PTPRM: variants seen among roughly 807,000 people sequenced by gnomAD.
The protein encoded by PTPRM is protein tyrosine phosphatase receptor type M.
PTPRM carries 47 observed loss-of-function variants against 186.7 expected under a neutral mutation model. That is an observed-to-expected ratio of 0.25 (90% CI 0.20 to 0.32). The LOEUF is 0.32. PTPRM is among the 10% of genes least tolerant of loss of function. The pLI, the probability that PTPRM is intolerant of heterozygous loss-of-function variation, is 1.00. For missense variants in PTPRM, 1,494 were observed against 1,865.0 expected, an observed-to-expected ratio of 0.80 and a Z score of 3.66; for synonymous variants, 668 against 674.9, an observed-to-expected ratio of 0.99 and a Z score of 0.16.
At chr18:8,390,549 C>G (rs2095804357) in intron 31 of PTPRM, among the ~76,000 whole-genome samples, 1 of 152,168 alleles carries the variant, frequency 6.6e-6, no homozygotes, top group Non-Finnish European at 1.5e-5. Flanking sequence ...TGTCGAAGAA[C>G]TGCTGTACTG....
intron 32 of PTPRM, chr18:8,403,555 A>G (rs2095884009): frequency 6.6e-6 from 1 of 152,194 alleles, no homozygotes; most frequent in Non-Finnish European, 1.5e-5. Context: ...CCATGTAATA[A>G]ACAAGCACAT....
chr18:8,400,940 G>C (rs2095869264), intron 32 of PTPRM, among the ~76,000 whole-genome samples: 1 of 152,048 alleles, frequency 6.6e-6, no homozygotes, highest in Non-Finnish European at 1.5e-5. Context: ...GGTGAGCTAG[G>C]GTCCCCAATC....
intron 19 of PTPRM, among the ~76,000 whole-genome samples, chr18:8,274,060 C>T (rs2094804925): frequency 6.6e-6 from 1 of 152,162 alleles, no homozygotes; most frequent in South Asian, 2.1e-4. Flanking sequence ...AGTACTTCTC[C>T]CAATAGATGG....
At chr18:8,378,963 G>A (rs567725302) in intron 27 of PTPRM, among the ~76,000 whole-genome samples, 30 of 152,146 alleles carry the variant, frequency 2.0e-4, no homozygotes, top group Admixed American at 9.2e-4. Flanking sequence ...TCTGCCTCTG[G>A]CCCCTGTGTC....
At chr18:8,174,291 G>T (rs1293654023) in intron 14 of PTPRM, among the ~76,000 whole-genome samples, 1 of 152,126 alleles carries the variant, frequency 6.6e-6, no homozygotes, top group Non-Finnish European at 1.5e-5. Flanking sequence ...AACTATAAAA[G>T]AAATGTCTCC....
chr18:8,274,899 T>A (rs1049043821), intron 19 of PTPRM, among the ~76,000 whole-genome samples: 1 of 152,176 alleles, frequency 6.6e-6, no homozygotes, highest in Non-Finnish European at 1.5e-5. Context: ...ATTCCAGCAT[T>A]GCATGTTGAA....
intron 1 of PTPRM, among the ~76,000 whole-genome samples, chr18:7,581,000 G>T (rs1446637137): frequency 6.6e-6 from 1 of 152,214 alleles, no homozygotes; most frequent in Non-Finnish European, 1.5e-5. Context: ...TGATTCTCCT[G>T]TGCAGTCAGA....
intron 1 of PTPRM, among the ~76,000 whole-genome samples, chr18:7,769,517 C>T (rs968534023): frequency 2.0e-5 from 3 of 152,118 alleles, no homozygotes; most frequent in Non-Finnish European, 4.4e-5. Context: ...CCCCAAAACT[C>T]AAAGTGAAAT....
intron 14 of PTPRM, among the ~76,000 whole-genome samples, chr18:8,181,717 G>A (rs1446626037): frequency 6.6e-6 from 1 of 152,082 alleles, no homozygotes; most frequent in Non-Finnish European, 1.5e-5. Context: ...ACAAGCTGAG[G>A]GTCTCTGAGG....
At chr18:7,804,147 A>G (rs1343575135) in intron 2 of PTPRM, among the ~76,000 whole-genome samples, 1 of 152,188 alleles carries the variant, frequency 6.6e-6, no homozygotes, top group African/African-American at 2.4e-5. Flanking sequence ...TCTCCTCTGC[A>G]TTGACTTCAT....
At chr18:7,940,206 T>A (rs965570818) in intron 5 of PTPRM, among the ~76,000 whole-genome samples, 1 of 152,174 alleles carries the variant, frequency 6.6e-6, no homozygotes, top group African/African-American at 2.4e-5. Flanking sequence ...CTGAATCACT[T>A]TTAATATCAC....
At chr18:7,696,146 C>A (rs2039838752) in intron 1 of PTPRM, among the ~76,000 whole-genome samples, 1 of 152,152 alleles carries the variant, frequency 6.6e-6, no homozygotes, top group Admixed American at 6.5e-5. Flanking sequence ...CTTGTACTAT[C>A]AGCTATGCCT....
chr18:8,119,977 T>C (rs947335238), intron 13 of PTPRM, among the ~76,000 whole-genome samples: 12 of 152,216 alleles, frequency 7.9e-5, no homozygotes, highest in South Asian at 2.1e-4. Context: ...ATAATTCTCT[T>C]TTATAATGCA....
intron 1 of PTPRM, among the ~76,000 whole-genome samples, chr18:7,721,682 A>G (rs2040449609): frequency 6.6e-6 from 1 of 152,142 alleles, no homozygotes; most frequent in African/African-American, 2.4e-5. Flanking sequence ...CAGTTTATTC[A>G]GTACCGTTTG....
intron 7 of PTPRM, among the ~76,000 whole-genome samples, chr18:7,960,169 C>G (rs2147164128): frequency 6.6e-6 from 1 of 152,190 alleles, no homozygotes. Context: ...TTGCCAATAA[C>G]TGGCCCCAGG....
chr18:8,236,222 A>G (rs1361421805), intron 14 of PTPRM, among the ~76,000 whole-genome samples: 1 of 152,130 alleles, frequency 6.6e-6, no homozygotes, highest in Non-Finnish European at 1.5e-5. Context: ...CAATTCTATC[A>G]CCTTTTGCCT....
chr18:7,883,248 G>GT (rs1396887588), intron 2 of PTPRM, among the ~76,000 whole-genome samples: 1 of 152,132 alleles, frequency 6.6e-6, no homozygotes, highest in Non-Finnish European at 1.5e-5. Context: ...GGAAAGAATT[G>GT]TAAGGAAGTA....
intron 7 of PTPRM, among the ~76,000 whole-genome samples, chr18:7,968,311 A>G (rs1189453175): frequency 6.9e-6 from 1 of 145,778 alleles, no homozygotes; most frequent in East Asian, 1.9e-4. Flanking sequence ...AGGAAGCGCT[A>G]AACATGGAAA....
chr18:7,814,160 A>G (rs117860782), intron 2 of PTPRM: 1,566 of 152,178 alleles, frequency 0.01, 10 homozygotes, highest in Non-Finnish European at 0.016. Flanking sequence ...CTACTTTTCT[A>G]TAGGGATTGT....
Sources: allele counts gnomAD v4.1 joint callset (sites outside exome capture counted in the v4.1 genomes callset), GRCh38; gene constraint gnomAD v4.1.1; transcripts MANE v1.5; gene names NCBI Gene and HGNC (gene_info 2026-07-23, HGNC 2026-07-21).